Variants in PARM1 observed in about 807,000 individuals in gnomAD.
PARM1 encodes the protein prostate androgen-regulated mucin-like protein 1.
Under a neutral mutation model 24.6 loss-of-function variants are expected in PARM1, and 14 were observed. The observed-to-expected ratio is 0.57, with a 90% CI of 0.38 to 0.89. The LOEUF (loss-of-function observed/expected upper bound fraction) is 0.89, where lower values mean the gene tolerates loss of function less well. PARM1 is among the 40% of genes least tolerant of loss of function. The pLI is 0.00. For missense variants in PARM1, 362 were observed against 380.4 expected, an observed-to-expected ratio of 0.95 and a Z score of 0.40; for synonymous variants, 179 against 156.6, an observed-to-expected ratio of 1.14 and a Z score of -1.07.
chr4:74,961,426 A>G (rs1179109222), intron 1 of PARM1, among the ~76,000 whole-genome samples: 1 of 152,210 alleles, frequency 6.6e-6, no homozygotes, highest in Non-Finnish European at 1.5e-5. Context: ...TCCAAATTTA[A>G]TGAAAGACAT....
intron 1 of PARM1, among the ~76,000 whole-genome samples, chr4:75,001,526 A>C (rs550920366): frequency 1.5e-4 from 23 of 152,332 alleles, no homozygotes; most frequent in African/African-American, 5.3e-4. Flanking sequence ...AAGGTTCTGT[A>C]TCTTGATCTT....
intron 1 of PARM1, among the ~76,000 whole-genome samples, chr4:74,964,666 C>G (rs1721862688): frequency 6.6e-6 from 1 of 152,066 alleles, no homozygotes; most frequent in Non-Finnish European, 1.5e-5. Flanking sequence ...TAATATCTAT[C>G]TCCTCCTTAG....
intron 1 of PARM1, among the ~76,000 whole-genome samples, chr4:75,002,504 A>C (rs1278946415): frequency 1.3e-5 from 2 of 151,930 alleles, no homozygotes; most frequent in East Asian, 3.9e-4. Flanking sequence ...CAAGAGAAGG[A>C]TACAGGGAGT....
rs149854254 is a variant in PARM1 at position 74,977,505 on chromosome 4, G to C, written c.44-34920G>C. 1.6e-3 allele frequency among the ~76,000 whole-genome samples: 244 copies of C among 152,294 alleles called. 4 individuals carry two copies. The East Asian group carries it at 0.04, about 25-fold the overall frequency. ...CTACAACTAATGGGGGTATATGAAA[G>C]AGACAAGGAGAATGGACCCAAGTTG... On this transcript the variant is annotated intron_variant, in intron 1 of 3. Coordinates refer to ENST00000307428, the MANE Select transcript of PARM1 (RefSeq NM_015393.4).
chr4:75,042,137 A>G (rs1360068473), intron 3 of PARM1, among the ~76,000 whole-genome samples: 1 of 152,242 alleles, frequency 6.6e-6, no homozygotes, highest in African/African-American at 2.4e-5. Flanking sequence ...AACCCCATAG[A>G]CACTCCATAT....
intron 1 of PARM1, among the ~76,000 whole-genome samples, chr4:74,995,657 A>G (rs535927774): frequency 6.6e-6 from 1 of 152,242 alleles, no homozygotes; most frequent in East Asian, 1.9e-4. Context: ...TCAGAGTGCC[A>G]TTAAAGAAGA....
At chr4:75,036,602 T>C (rs998020382) in intron 3 of PARM1, among the ~76,000 whole-genome samples, 1 of 152,222 alleles carries the variant, frequency 6.6e-6, no homozygotes, top group Middle Eastern at 3.2e-3. Context: ...GCGTCAGCCA[T>C]GTGCCAGGCC....
intron 2 of PARM1, among the ~76,000 whole-genome samples, chr4:75,019,769 C>T (rs371420598): frequency 3.0e-4 from 45 of 150,858 alleles, no homozygotes; most frequent in African/African-American, 7.8e-4. Flanking sequence ...TTTGGGAGGC[C>T]GAGGCGGGTG....
intron 1 of PARM1, among the ~76,000 whole-genome samples, chr4:74,953,918 G>T (rs1016300655): frequency 6.6e-6 from 1 of 152,124 alleles, no homozygotes; most frequent in Non-Finnish European, 1.5e-5. Context: ...TCTCTCTCTT[G>T]GCAAGTCAAG....
chr4:74,946,847 A>G (rs1721420889), intron 1 of PARM1, among the ~76,000 whole-genome samples: 1 of 152,262 alleles, frequency 6.6e-6, no homozygotes, highest in South Asian at 2.1e-4. Context: ...TCATTGGAGA[A>G]TGCTAATAAG....
chr4:75,017,132 T>C (rs1185982273), intron 2 of PARM1, among the ~76,000 whole-genome samples: 1 of 152,146 alleles, frequency 6.6e-6, no homozygotes, highest in Non-Finnish European at 1.5e-5. Flanking sequence ...CGTCCCTCTG[T>C]CATCTTTCAA....
intron 1 of PARM1, among the ~76,000 whole-genome samples, chr4:74,996,406 G>T (rs1722577422): frequency 6.6e-6 from 1 of 152,282 alleles, no homozygotes; most frequent in East Asian, 1.9e-4. Flanking sequence ...AGAAAAGCGA[G>T]GAACAAATCA....
At chr4:75,011,410 G>A (rs151094216) in intron 1 of PARM1, among the ~76,000 whole-genome samples, 30 of 152,136 alleles carry the variant, frequency 2.0e-4, no homozygotes, top group Admixed American at 8.5e-4. Flanking sequence ...TTTTAACTGC[G>A]CAACCGGGTG....
intron 1 of PARM1, among the ~76,000 whole-genome samples, chr4:74,987,902 A>G (rs1722387169): frequency 6.6e-6 from 1 of 152,152 alleles, no homozygotes; most frequent in South Asian, 2.1e-4. Flanking sequence ...CTGATTCTTG[A>G]TTGTGTTATT....
At chr4:74,976,182 T>G (rs566330020) in intron 1 of PARM1, among the ~76,000 whole-genome samples, 123 of 152,276 alleles carry the variant, frequency 8.1e-4, no homozygotes, top group African/African-American at 2.9e-3. Context: ...GCGGCAGCAG[T>G]CTGGAGACTC....
chr4:75,003,757 C>T (rs1019113157), intron 1 of PARM1, among the ~76,000 whole-genome samples: 1 of 152,146 alleles, frequency 6.6e-6, no homozygotes, highest in African/African-American at 2.4e-5. Context: ...CAGCAGAGCC[C>T]ACCAAAGACA....
Position 75,030,550 on chromosome 4 carries a change from T to A in PARM1, c.770-3333T>A, listed in dbSNP as rs1383865399. On this transcript the variant is annotated intron_variant, in intron 2 of 3. Coordinates refer to ENST00000307428, the MANE Select transcript of PARM1 (RefSeq NM_015393.4). ...GCCCAAAATTCAAAGAGGTTTTGGTTCACAGGCCTTCACCAGCCCTCTGGA... is the reference window on the plus strand; with the variant it reads ...GCCCAAAATTCAAAGAGGTTTTGGTACACAGGCCTTCACCAGCCCTCTGGA... Among the ~76,000 whole-genome samples, 5 of 152,300 alleles carry A rather than the reference T, an allele frequency of 3.3e-5. No individual in the cohort carries two copies. In the East Asian group the frequency reaches 9.7e-4, roughly 29 times the overall value.
At chr4:74,958,579 G>A (rs775505649) in intron 1 of PARM1, among the ~76,000 whole-genome samples, 1 of 152,186 alleles carries the variant, frequency 6.6e-6, no homozygotes, top group Non-Finnish European at 1.5e-5. Flanking sequence ...AAGACCGTGA[G>A]GAATTTATGA....
At chr4:75,019,896 G>A (rs939202419) in intron 2 of PARM1, among the ~76,000 whole-genome samples, 7 of 150,264 alleles carry the variant, frequency 4.7e-5, no homozygotes, top group East Asian at 2.0e-4. Context: ...CCAGCTACTC[G>A]GGAGGCTGAG....
Sources: allele counts gnomAD v4.1 joint callset (sites outside exome capture counted in the v4.1 genomes callset), GRCh38; gene constraint gnomAD v4.1.1; transcripts MANE v1.5; gene names NCBI Gene and HGNC (gene_info 2026-07-23, HGNC 2026-07-21).